The following EIF3E variants were observed in gnomAD, a reference collection of about 807,000 sequenced individuals.
The protein encoded by EIF3E is eIF-3 p48.
EIF3E carries 25 observed loss-of-function variants against 59.3 expected under a neutral mutation model. The ratio of observed to expected loss-of-function variants is 0.42; its 90% CI spans 0.31 to 0.59. The LOEUF is 0.59. Ranked by LOEUF, EIF3E falls within the 20% of genes least tolerant of loss-of-function variation. EIF3E has a pLI of 0.15. For missense variants in EIF3E, 317 were observed against 534.3 expected (o/e 0.59, Z 4.01); for synonymous variants, 176 against 170.2 (o/e 1.03, Z -0.26).
chr8:108,247,512 C>G (rs1189643850), intron 1 of EIF3E, among the ~76,000 whole-genome samples: 1 of 152,294 alleles, frequency 6.6e-6, no homozygotes, highest in East Asian at 1.9e-4. Flanking sequence ...TAGCCGTTAC[C>G]TAACGTCAAC....
At position 108,210,145 on chromosome 8, in the gene EIF3E, T is replaced by C. The variant is rs141175463; in HGVS notation, c.1061+4462A>G. Among the ~76,000 whole-genome samples the C allele has an allele frequency of 5.6e-4, 85 of 152,290 alleles. 1 individual carries two copies. In the East Asian group the frequency reaches 0.012, roughly 21 times the overall value. ...TCCCTCCAGAGAATGTTTTTGTTTT[T>C]TAAAGGTTAGGCTCAGTCATATAGT... is the stretch of plus-strand genomic sequence containing the variant. On this transcript the variant is annotated intron_variant, in intron 10 of 12. Coordinates refer to ENST00000220849, the MANE Select transcript of EIF3E (RefSeq NM_001568.3).
rs373561944 is a variant in EIF3E, at chr8:108,203,385, C to G, written c.1164+16G>C. 3.0e-5 allele frequency: 48 copies of G among 1,587,636 alleles called. No individual in the cohort carries two copies. Among genetic ancestry groups the G allele is most frequent in the African/African-American group, 4.0e-5 (3 of 74,326 alleles). ...CAGGAACTGATAGTATGTAGCATAG[C>G]TAACATAATACTCACTAATTTAGAA... On this transcript the variant is annotated intron_variant, in intron 11 of 12. Coordinates refer to ENST00000220849, the MANE Select transcript of EIF3E (RefSeq NM_001568.3).
chr8:108,240,765 A>C (rs907789914), intron 2 of EIF3E, among the ~76,000 whole-genome samples: 1 of 152,194 alleles, frequency 6.6e-6, no homozygotes, highest in Non-Finnish European at 1.5e-5. Context: ...GCTGATCACG[A>C]GGTCAGGAGT....
At chr8:108,221,813 C>A (rs1239925649) in intron 7 of EIF3E, among the ~76,000 whole-genome samples, 2 of 152,124 alleles carry the variant, frequency 1.3e-5, no homozygotes, top group Non-Finnish European at 2.9e-5. Context: ...CACGCACACA[C>A]ACACACACAC....
chr8:108,209,798 T>A (rs931137929), intron 10 of EIF3E, among the ~76,000 whole-genome samples: 4 of 152,096 alleles, frequency 2.6e-5, no homozygotes, highest in Admixed American at 2.6e-4. Flanking sequence ...AACAAATGAG[T>A]AGTTGCCAGA....
chr8:108,206,745 G>A (rs1268256845), intron 10 of EIF3E, among the ~76,000 whole-genome samples: 1 of 152,130 alleles, frequency 6.6e-6, no homozygotes, highest in Non-Finnish European at 1.5e-5. Context: ...TCAGACTGCA[G>A]TAAGCTATGA....
chr8:108,209,784 G>A (rs1385703545), intron 10 of EIF3E, among the ~76,000 whole-genome samples: 2 of 152,160 alleles, frequency 1.3e-5, no homozygotes, highest in Admixed American at 1.3e-4. Flanking sequence ...ATATAGGAAT[G>A]GAGAACAAAT....
intron 1 of EIF3E, chr8:108,242,883 A>AT (rs1207430229): frequency 6.2e-6 from 1 of 160,642 alleles, no homozygotes; most frequent in African/African-American, 2.4e-5. Context: ...GTTGGTGTGG[A>AT]TGTAGACTAA....
chr8:108,232,709 T>G (rs1353636678), intron 5 of EIF3E, among the ~76,000 whole-genome samples: 2 of 152,218 alleles, frequency 1.3e-5, no homozygotes, highest in African/African-American at 2.4e-5. Context: ...AAGGTTCATG[T>G]GTACTACTCT....
At chr8:108,214,754 C>T (rs771097689) in intron 9 of EIF3E, 38 bp from the exon 10 acceptor site, 2 of 1,537,096 alleles carry the variant, frequency 1.3e-6, no homozygotes, top group East Asian at 2.3e-5. Context: ...ATGATGCTGA[C>T]AAGCAATTGC....
intron 9 of EIF3E, among the ~76,000 whole-genome samples, chr8:108,215,384 C>T (rs1815282494): frequency 6.6e-6 from 1 of 151,920 alleles, no homozygotes; most frequent in Admixed American, 6.6e-5. Context: ...TTTGGGAGGC[C>T]GAGGTGGGCA....
chr8:108,204,744 T>TAG (rs753379060), intron 10 of EIF3E, among the ~76,000 whole-genome samples: 348 of 102,646 alleles, frequency 3.4e-3, no homozygotes, highest in South Asian at 6.2e-3. Flanking sequence ...TATATATATA[T>TAG]ATAGAGAGAG....
rs1400205630 is a variant in EIF3E, at chr8:108,229,288, A to G, written c.472-93T>C. On this transcript the variant is annotated intron_variant, in intron 5 of 12. Transcript: ENST00000220849. Reference sequence around the variant, plus strand: ...TACCCATGTATCCCTCTAGCCTACTAAAAGACCTATAGCTTTCTACAAAAA... The same window carrying G: ...TACCCATGTATCCCTCTAGCCTACTGAAAGACCTATAGCTTTCTACAAAAA... 1.3e-5 allele frequency: 16 copies of G among 1,274,328 alleles called. No homozygotes were observed. The Admixed American group carries it at 1.3e-4, about 10-fold the overall frequency. 78.9% of individuals were successfully genotyped at this position (1,274,328 alleles called of 1,614,324 possible). A position where few individuals can be genotyped will look rare whatever the true frequency, so the allele number is the denominator to read the frequency against.
intron 1 of EIF3E, among the ~76,000 whole-genome samples, chr8:108,247,328 T>C (rs766083547): frequency 3.9e-5 from 6 of 152,208 alleles, no homozygotes; most frequent in Non-Finnish European, 5.9e-5. Context: ...TTTCAAAATA[T>C]AGCATTTTTA....
At chr8:108,204,513 A>G (rs1180624665) in intron 10 of EIF3E, among the ~76,000 whole-genome samples, 1 of 151,962 alleles carries the variant, frequency 6.6e-6, no homozygotes, top group East Asian at 1.9e-4. Context: ...CTAAAATCCC[A>G]GAATTCACCA....
At chr8:108,233,016 A>C (rs2129905276) in intron 5 of EIF3E, among the ~76,000 whole-genome samples, 1 of 152,328 alleles carries the variant, frequency 6.6e-6, no homozygotes, top group African/African-American at 2.4e-5. Context: ...ATCCGGGTTT[A>C]AGCTGTTTAC....
intron 10 of EIF3E, among the ~76,000 whole-genome samples, chr8:108,209,475 C>T (rs1430877162): frequency 6.6e-6 from 1 of 152,010 alleles, no homozygotes; most frequent in African/African-American, 2.4e-5. Flanking sequence ...TTTGAAATTT[C>T]CCAAAATTAC....
At chr8:108,243,077 T>C (rs1244246684) in intron 1 of EIF3E, among the ~76,000 whole-genome samples, 1 of 152,146 alleles carries the variant, frequency 6.6e-6, no homozygotes, top group African/African-American at 2.4e-5. Flanking sequence ...AGTCTATCAA[T>C]GTTAAAATGA....
intron 5 of EIF3E, among the ~76,000 whole-genome samples, chr8:108,230,526 A>T (rs1444354250): frequency 6.6e-6 from 1 of 152,084 alleles, no homozygotes; most frequent in African/African-American, 2.4e-5. Flanking sequence ...CAGATATATG[A>T]TCTAAACATT....
Sources: allele counts gnomAD v4.1 joint callset (sites outside exome capture counted in the v4.1 genomes callset), GRCh38; gene constraint gnomAD v4.1.1; transcripts MANE v1.5; gene names NCBI Gene and HGNC (gene_info 2026-07-23, HGNC 2026-07-21).